Variants in SSBP2 observed in about 807,000 individuals in gnomAD.
The protein encoded by SSBP2 is single-stranded DNA-binding protein 2.
Under a neutral mutation model 61.8 loss-of-function variants are expected in SSBP2, and 17 were observed. The observed-to-expected ratio is 0.28, with a 90% CI of 0.19 to 0.41. The LOEUF (loss-of-function observed/expected upper bound fraction) is 0.41. SSBP2 is among the 10% of genes least tolerant of loss of function. The probability of loss-of-function intolerance (pLI) is 1.00; values close to 1 mark genes in which losing one functional copy is unlikely to be tolerated. For missense variants in SSBP2, 310 were observed against 458.7 expected (o/e 0.68, Z 2.96); for synonymous variants, 139 against 141.3 (o/e 0.98, Z 0.12).
intron 3 of SSBP2, among the ~76,000 whole-genome samples, chr5:81,629,133 A>C (rs1355275319): frequency 1.3e-5 from 2 of 152,012 alleles, no homozygotes; most frequent in Non-Finnish European, 2.9e-5. Flanking sequence ...ATTAGAGGGG[A>C]ACGCCACCAC....
chr5:81,584,821 C>A (rs924649139), intron 4 of SSBP2, among the ~76,000 whole-genome samples: 4 of 151,940 alleles, frequency 2.6e-5, no homozygotes, highest in Admixed American at 2.6e-4. Flanking sequence ...TAAGTATATG[C>A]CTAATCTAAT....
chr5:81,718,472 CCAAT>C (rs1755323566), intron 1 of SSBP2, among the ~76,000 whole-genome samples: 1 of 152,072 alleles, frequency 6.6e-6, no homozygotes, highest in Admixed American at 6.6e-5. Context: ...CCAGCAGTTA[CCAAT>C]CAACCTCCTA....
intron 4 of SSBP2, among the ~76,000 whole-genome samples, chr5:81,527,903 A>T (rs1770082196): frequency 8.0e-6 from 1 of 124,744 alleles, no homozygotes; most frequent in South Asian, 2.4e-4. Flanking sequence ...TAAAGTAGTA[A>T]AAAAAAAAAA....
rs1746745449 is a variant in SSBP2, at chr5:81,622,895, G to GT, written c.198-7339dup. Among the ~76,000 whole-genome samples the GT allele has an allele frequency of 2.0e-5, 3 of 152,258 alleles. No homozygotes were observed. The South Asian group carries it at 6.2e-4, about 32-fold the overall frequency. ...AGCGGGGAAAAACGTGAAAAACTGC[G>GT]TATCGACATTATTTCCTTCTCAATT... On this transcript the variant is annotated intron_variant, in intron 3 of 16. Coordinates refer to ENST00000320672, the MANE Select transcript of SSBP2 (RefSeq NM_012446.5).
chr5:81,486,081 C>T (rs1373814382), intron 6 of SSBP2, among the ~76,000 whole-genome samples: 1 of 152,030 alleles, frequency 6.6e-6, no homozygotes, highest in Non-Finnish European at 1.5e-5. Context: ...TATGTGTGTG[C>T]ACTGGAGTGG....
intron 4 of SSBP2, among the ~76,000 whole-genome samples, chr5:81,594,815 C>T (rs890415115): frequency 2.0e-5 from 3 of 152,032 alleles, no homozygotes; most frequent in Non-Finnish European, 2.9e-5. Context: ...ACACAACATA[C>T]CAGAATCTCT....
chr5:81,694,029 A>G (rs1232052247), intron 1 of SSBP2, among the ~76,000 whole-genome samples: 1 of 152,198 alleles, frequency 6.6e-6, no homozygotes, highest in Non-Finnish European at 1.5e-5. Flanking sequence ...TTTCAACAAC[A>G]TGGACAGAAC....
In SSBP2 at chr5:81,599,109, T is replaced by C. The variant is rs139608369; in HGVS notation, c.282+16364A>G. 2.3e-4 allele frequency among the ~76,000 whole-genome samples: 35 copies of C among 152,256 alleles called. No homozygotes were observed. The Middle Eastern group carries it at 0.01, about 44-fold the overall frequency. On this transcript the variant is annotated intron_variant, in intron 4 of 16. Coordinates refer to ENST00000320672, the MANE Select transcript of SSBP2 (RefSeq NM_012446.5). Reference sequence around the variant, plus strand: ...CCACAGCAGAATTGGCATTTGGGGATGTATAGCAAAAGGACTACCTGATAA... The same window carrying C: ...CCACAGCAGAATTGGCATTTGGGGACGTATAGCAAAAGGACTACCTGATAA...
chr5:81,509,107 G>T (rs1768400415), intron 5 of SSBP2, among the ~76,000 whole-genome samples: 1 of 152,138 alleles, frequency 6.6e-6, no homozygotes, highest in Non-Finnish European at 1.5e-5. Flanking sequence ...TTTTGACTAA[G>T]TCTCTTTTGA....
chr5:81,750,661 CT>C (rs946015714), intron 1 of SSBP2: 5 of 315,982 alleles, frequency 1.6e-5, no homozygotes, highest in African/African-American at 1.2e-4. Flanking sequence ...TCTAAAGTTA[CT>C]TTGGAAGGTG....
intron 4 of SSBP2, among the ~76,000 whole-genome samples, chr5:81,565,914 C>G (rs1773386608): frequency 6.6e-6 from 1 of 152,082 alleles, no homozygotes; most frequent in Admixed American, 6.5e-5. Flanking sequence ...ATGGAGACCT[C>G]AATTTAAAAC....
At chr5:81,694,793 A>G (rs938137751) in intron 1 of SSBP2, among the ~76,000 whole-genome samples, 26 of 152,180 alleles carry the variant, frequency 1.7e-4, no homozygotes. Context: ...TGGGCAACAT[A>G]GCAAGACTCT....
intron 7 of SSBP2, 22 bp downstream of exon 7, chr5:81,474,473 TC>T (rs1468389739): frequency 2.5e-6 from 4 of 1,606,170 alleles, no homozygotes; most frequent in Admixed American, 1.7e-5. Flanking sequence ...ACATCAATTT[TC>T]CTTTTACTTT....
intron 1 of SSBP2, among the ~76,000 whole-genome samples, chr5:81,703,613 T>C (rs1754153884): frequency 6.6e-6 from 1 of 152,228 alleles, no homozygotes; most frequent in African/African-American, 2.4e-5. Flanking sequence ...CAATTATTTT[T>C]TAAATTCAGT....
In SSBP2 at chr5:81,489,267, A is replaced by G. The variant is rs763266983; in HGVS notation, c.415T>C (p.Leu139=). ...AATCTTACCTGATTAGGTATCCTCA[A>G]TGGGGGCCTTGGACCTCCAGGGTAC... Residue 139 remains leucine (L), a synonymous_variant, in exon 6 of 17, where the codon TTG becomes CTG. Coordinates refer to ENST00000320672, the MANE Select transcript of SSBP2 (RefSeq NM_012446.5). 7 of 1,608,980 alleles carry G rather than the reference A, an allele frequency of 4.4e-6. No individual in the cohort carries two copies. The highest frequency in any genetic ancestry group is 2.2e-5 in the East Asian group (1 of 44,738).
At chr5:81,492,209 C>T (rs1384410970) in intron 5 of SSBP2, among the ~76,000 whole-genome samples, 1 of 152,132 alleles carries the variant, frequency 6.6e-6, no homozygotes, top group African/African-American at 2.4e-5. Context: ...ATAGGTTCTT[C>T]AAGAGTCTTT....
intron 4 of SSBP2, among the ~76,000 whole-genome samples, chr5:81,527,424 T>A (rs1329516706): frequency 6.6e-6 from 1 of 151,994 alleles, no homozygotes; most frequent in Non-Finnish European, 1.5e-5. Context: ...GAAGCAGGAT[T>A]ATCATGGATG....
At chr5:81,501,649 G>A (rs1178410169) in intron 5 of SSBP2, among the ~76,000 whole-genome samples, 3 of 144,802 alleles carry the variant, frequency 2.1e-5, no homozygotes, top group Non-Finnish European at 4.5e-5. Flanking sequence ...TGCAAGCTCC[G>A]CCTCTCGGGT....
intron 1 of SSBP2, among the ~76,000 whole-genome samples, chr5:81,712,353 A>C (rs1754850155): frequency 2.0e-5 from 1 of 49,666 alleles, no homozygotes; most frequent in Non-Finnish European, 4.0e-5. Context: ...TTTAAAAAAT[A>C]AAGATTACAA....
Sources: allele counts gnomAD v4.1 joint callset (sites outside exome capture counted in the v4.1 genomes callset), GRCh38; gene constraint gnomAD v4.1.1; transcripts MANE v1.5; gene names NCBI Gene and HGNC (gene_info 2026-07-23, HGNC 2026-07-21).